CPLANE1: variants seen among roughly 807,000 people sequenced by gnomAD.
The protein encoded by CPLANE1 is ciliogenesis and planar polarity effector complex subunit 1.
A neutral mutation model predicts 362.5 loss-of-function variants in CPLANE1; 263 were observed. That is an observed-to-expected ratio of 0.73 (90% CI 0.66 to 0.80). CPLANE1 has a LOEUF of 0.80. CPLANE1 is among the 30% of genes least tolerant of loss of function. The pLI is 0.00. For synonymous variants in CPLANE1, 1,212 were observed against 1,302.6 expected (o/e 0.93, Z 1.50); for missense variants, 3,461 against 3,793.4 (o/e 0.91, Z 2.30).
At chr5:37,184,731 C>G (rs1783526267) in intron 25 of CPLANE1, 57 bp downstream of exon 25, 2 of 1,503,430 alleles carry the variant, frequency 1.3e-6, no homozygotes, top group Admixed American at 4.0e-5. Context: ...CATCAGATGC[C>G]TGAAAGCTAC....
downstream of CPLANE1, among the ~76,000 whole-genome samples, chr5:37,104,482 C>T (rs1204901811): frequency 6.6e-6 from 1 of 151,722 alleles, no homozygotes; most frequent in East Asian, 1.9e-4. Context: ...TGCCTTTAGT[C>T]CCAGCTACTC....
Position 37,165,511 on chromosome 5 carries a change from G to A in CPLANE1, c.7533+28C>T, listed in dbSNP as rs763669184. The stretch of plus-strand genomic sequence containing the variant: ...CAAACTCAGTGTACATGCAAACCAG[G>A]GAAGAATCTATAGCAGTTTTTCTAT... On this transcript the variant is annotated intron_variant, in intron 36 of 52. Transcript: ENST00000651892. 5 of 1,604,294 alleles carry A rather than the reference G, an allele frequency of 3.1e-6. No homozygotes were observed. The South Asian group carries it at 4.5e-5, about 14-fold the overall frequency.
intron 21 of CPLANE1, among the ~76,000 whole-genome samples, chr5:37,189,431 G>T (rs1443326994): frequency 4.6e-5 from 7 of 152,076 alleles, no homozygotes; most frequent in Admixed American, 4.6e-4. Context: ...CATAGATTCT[G>T]CCGGGGGAGC....
intron 42 of CPLANE1, among the ~76,000 whole-genome samples, 159 bp from the exon 43 acceptor site, chr5:37,148,427 A>C (rs747879443): frequency 1.3e-5 from 2 of 152,244 alleles, no homozygotes; most frequent in African/African-American, 4.8e-5. Flanking sequence ...AATAAAACAG[A>C]GGAAATTTTT....
rs184178061 is a variant in CPLANE1 at position 37,221,335 on chromosome 5, T to C, written c.2735A>G (p.Lys912Arg). 5 of 1,492,236 alleles carry C rather than the reference T, an allele frequency of 3.4e-6. No individual in the cohort carries two copies. The Admixed American group carries it at 1.1e-4, about 34-fold the overall frequency. 92.4% of individuals were successfully genotyped at this position (1,492,236 alleles called of 1,614,324 possible). The change falls in exon 15 of 53, where the codon AAA (lysine) becomes AGA (arginine). Residue 912 changes from lysine (K) to arginine (R), a missense_variant. Physicochemically the swap from Lys to Arg is conservative, Grantham distance 26 (BLOSUM62 2). Around this residue, in one of 2 missense-constraint regions of CPLANE1, gnomAD observed 3,380 missense variants for 3,666.1 expected, o/e 0.92. Transcript: ENST00000651892. ...AAAAAAAAGCATACCTGAAAAATCT[T>C]TATTTTCTTTTACAGGTAGTTGGGA... ...RWSQLPVKEN[K>R]DFSGAAKSHF...
In CPLANE1 at chr5:37,121,788, TAGAC is replaced by T. The variant is rs1762711884; in HGVS notation, c.9018-8_9018-5del. The T allele has an allele frequency of 1.9e-6, 3 of 1,611,406 alleles. No individual in the cohort carries two copies. In the South Asian group the frequency reaches 3.3e-5, roughly 18 times the overall value. ...ATAGTGTTCAGAGAGCAGCAATCTG[TAGAC>T]AAAGAATTAAGCATCATTTATTAAG... On this transcript the variant is annotated splice_region_variant and splice_polypyrimidine_tract_variant and intron_variant, in intron 48 of 52. Coordinates refer to ENST00000651892, the MANE Select transcript of CPLANE1 (RefSeq NM_001384732.1).
chr5:37,238,498 T>C (rs1297998804), intron 8 of CPLANE1, among the ~76,000 whole-genome samples: 16 of 140,496 alleles, frequency 1.1e-4, no homozygotes, highest in African/African-American at 2.9e-4. Context: ...TTTTTTTTTT[T>C]TTTTTTTTTT....
chr5:37,121,259 G>A (rs889720706), intron 49 of CPLANE1, among the ~76,000 whole-genome samples: 1 of 152,164 alleles, frequency 6.6e-6, no homozygotes, highest in Non-Finnish European at 1.5e-5. Context: ...GGCTGTTTCT[G>A]AAAGAGAGAA....
chr5:37,214,284 GT>G (rs1392192117), intron 15 of CPLANE1, among the ~76,000 whole-genome samples: 2 of 152,126 alleles, frequency 1.3e-5, no homozygotes, highest in Admixed American at 1.3e-4. Flanking sequence ...GGGCAACATG[GT>G]GAAATCCCAC....
At chr5:37,158,122 G>C in intron 39 of CPLANE1, 102 bp downstream of exon 39, 2 of 1,314,426 alleles carry the variant, frequency 1.5e-6, no homozygotes, top group Non-Finnish European at 2.1e-6. Context: ...ACATAGATGA[G>C]ATTTTTAACC....
the CPLANE1 span, among the ~76,000 whole-genome samples, chr5:37,094,775 C>T: frequency 6.6e-6 from 1 of 152,010 alleles, no homozygotes; most frequent in African/African-American, 2.4e-5. Flanking sequence ...CACAAAAATA[C>T]AAAAGATCAT....
At chr5:37,197,794 C>T (rs545183763) in intron 20 of CPLANE1, among the ~76,000 whole-genome samples, 2 of 152,250 alleles carry the variant, frequency 1.3e-5, no homozygotes, top group South Asian at 4.1e-4. Flanking sequence ...AGTATATTCA[C>T]AAAGTTAGGC....
At chr5:37,077,587 C>CTT in the CPLANE1 span, among the ~76,000 whole-genome samples, 1 of 139,784 alleles carries the variant, frequency 7.2e-6, no homozygotes, top group Non-Finnish European at 1.5e-5. Flanking sequence ...TATCAAGAAA[C>CTT]TTGTGTGTGT....
chr5:37,174,975 A>C (rs1261585755), intron 31 of CPLANE1, among the ~76,000 whole-genome samples: 1 of 152,186 alleles, frequency 6.6e-6, no homozygotes, highest in African/African-American at 2.4e-5. Flanking sequence ...CAAGGGAGTT[A>C]GTTGCCCAGT....
the CPLANE1 span, among the ~76,000 whole-genome samples, chr5:37,076,315 C>CT: frequency 2.0e-5 from 3 of 150,618 alleles, no homozygotes; most frequent in Admixed American, 6.6e-5. Flanking sequence ...TGATGTCAAA[C>CT]TTTTTTTTTC....
intron 9 of CPLANE1, among the ~76,000 whole-genome samples, chr5:37,228,195 A>T (rs1329538167): frequency 6.6e-6 from 1 of 152,194 alleles, no homozygotes. Context: ...CTATCAGTAT[A>T]CTTTTTATTA....
intron 49 of CPLANE1, among the ~76,000 whole-genome samples, chr5:37,120,972 T>C (rs1762458515): frequency 6.6e-6 from 1 of 152,244 alleles, no homozygotes; most frequent in Non-Finnish European, 1.5e-5. Context: ...AATGTGTTGA[T>C]GCTTAACAAC....
the CPLANE1 span, chr5:37,085,530 A>G: frequency 7.4e-6 from 6 of 810,674 alleles, no homozygotes; most frequent in Non-Finnish European, 1.3e-5. Context: ...AAATGATACC[A>G]TTCAGACTGA....
In CPLANE1 at chr5:37,209,563, G is replaced by C; in HGVS notation, c.2921-3138C>G. ...CCTCAGTCCATTTCAGTGCAAGGGA[G>C]CTCCCTCTTAATAAGTGCCTCTAAC... On this transcript the variant is annotated intron_variant, in intron 16 of 52. Transcript: ENST00000651892. This position sits in a 1 kb window ranked among gnomAD's most constrained non-coding sequence, Gnocchi z 4.6. 1 of 1,326,792 alleles carries C rather than the reference G, an allele frequency of 7.5e-7. No individual in the cohort carries two copies. Among genetic ancestry groups the C allele is most frequent in the Non-Finnish European group, 1.1e-6 (1 of 919,444 alleles). 82.2% of individuals were successfully genotyped at this position (1,326,792 alleles called of 1,614,324 possible).
Sources: gnomAD v4.1 joint callset for allele counts (sites outside exome capture counted in the v4.1 genomes callset) on GRCh38, gnomAD v4.1.1 for gene constraint, gnomAD v4.1.1 regional missense constraint, Gnocchi (gnomAD v3.1) non-coding constraint, MANE v1.5 for transcripts, NCBI Gene and HGNC (gene_info 2026-07-23, HGNC 2026-07-21) for gene names.